The following DNASE1 variants were observed in gnomAD, a reference collection of about 807,000 sequenced individuals.
DNASE1 encodes the protein deoxyribonuclease 1, also known as deoxyribonuclease-1.
DNASE1 carries 40 observed loss-of-function variants against 33.9 expected under a neutral mutation model. The ratio of observed to expected loss-of-function variants is 1.18; its 90% confidence interval spans 0.92 to 1.54. DNASE1 has a LOEUF of 1.54. Among genes scored for constraint, DNASE1 ranks in the 40% most tolerant of loss-of-function variants. The pLI is 0.00. For missense variants in DNASE1, 518 were observed against 372.6 expected (o/e 1.39, Z -3.21); for synonymous variants, 216 against 160.0 (o/e 1.35, Z -2.64).
downstream of DNASE1, chr16:3,661,732 C>T (rs1036751281): frequency 2.5e-5 from 10 of 406,952 alleles, no homozygotes; most frequent in Non-Finnish European, 4.3e-5. Flanking sequence ...GTGGCAAAGC[C>T]ATAAAGCAAA....
intron 1 of DNASE1, among the ~76,000 whole-genome samples, chr16:3,613,625 G>A (rs1219109986): frequency 6.6e-6 from 1 of 152,238 alleles, no homozygotes; most frequent in Non-Finnish European, 1.5e-5. Context: ...AAAGAAGACA[G>A]AACAAGAATG....
At chr16:3,614,388 G>A (rs188939487) in intron 1 of DNASE1, among the ~76,000 whole-genome samples, 1 of 152,294 alleles carries the variant, frequency 6.6e-6, no homozygotes, top group Non-Finnish European at 1.5e-5. Context: ...AGAAAAGGAG[G>A]CGTGCCACCA....
intron 1 of DNASE1, among the ~76,000 whole-genome samples, chr16:3,633,976 G>GT (rs1179683703): frequency 6.7e-6 from 1 of 149,604 alleles, no homozygotes; most frequent in Non-Finnish European, 1.5e-5. Flanking sequence ...GCCTGGCTAA[G>GT]TTTTTTTGTA....
chr16:3,619,189 C>T (rs998182296), intron 1 of DNASE1, among the ~76,000 whole-genome samples: 2 of 152,030 alleles, frequency 1.3e-5, no homozygotes, highest in South Asian at 2.1e-4. Context: ...CATGTAAAAC[C>T]ACACCTGGCT....
At chr16:3,617,525 A>G (rs1240571497) in intron 1 of DNASE1, among the ~76,000 whole-genome samples, 1 of 152,096 alleles carries the variant, frequency 6.6e-6, no homozygotes. Context: ...AGAATGGGAG[A>G]TATTTGTTAA....
intron 1 of DNASE1, among the ~76,000 whole-genome samples, chr16:3,625,732 CACAA>C (rs2041487931): frequency 6.6e-6 from 1 of 152,142 alleles, no homozygotes; most frequent in Non-Finnish European, 1.5e-5. Flanking sequence ...TAAACAGGGA[CACAA>C]ACCACTAACC....
upstream of DNASE1, chr16:3,653,634 C>G (rs762230501): frequency 6.6e-6 from 1 of 151,794 alleles, no homozygotes; most frequent in African/African-American, 2.4e-5. Flanking sequence ...TGGTGAAACC[C>G]TGTCTCTACT....
downstream of DNASE1, chr16:3,659,526 A>G (rs1198545400): frequency 2.0e-5 from 3 of 152,218 alleles, no homozygotes; most frequent in South Asian, 6.2e-4. Flanking sequence ...ACGTCAGAAC[A>G]ATATTTTTTT....
rs758781686 is a variant in DNASE1 at position 3,657,275 on chromosome 16, C to T, written c.638C>T (p.Thr213Ile). Residue 213 changes from threonine to isoleucine, a missense_variant, in exon 7 of 9, where the codon ACC (threonine) becomes ATC (isoleucine). Thr to Ile is a moderately conservative substitution (Grantham distance 89). Coordinates refer to ENST00000246949, the MANE Select transcript of DNASE1 (RefSeq NM_005223.4). ...TCCATCCGCCTGTGGACAAGCCCCA[C>T]CTTCCAGTGGCTGATCCCCGACAGC... ...WSSIRLWTSP[T>I]FQWLIPDSAD... 7 of 1,613,930 alleles carry T rather than the reference C, an allele frequency of 4.3e-6. No individual in the cohort carries two copies. The highest frequency in any genetic ancestry group is 3.3e-5 in the South Asian group (3 of 91,092).
rs534031744 is a variant in DNASE1, at chr16:3,655,217, G to A, written c.-1-156G>A. On this transcript the variant is annotated intron_variant, in intron 1 of 8. Transcript: ENST00000246949. Reference sequence around the variant, plus strand: ...GTCCTCTACGTGGTGCCAGCTGTTTGGCTTTCTGGACGTTGTAGGAAAGGG... The same window carrying A: ...GTCCTCTACGTGGTGCCAGCTGTTTAGCTTTCTGGACGTTGTAGGAAAGGG... Among the ~76,000 whole-genome samples, 14 of 152,314 alleles carry A rather than the reference G, an allele frequency of 9.2e-5. No individual in the cohort carries two copies. In the East Asian group the frequency reaches 2.7e-3, roughly 29 times the overall value.
chr16:3,647,483 A>G (rs1490317016), intron 1 of DNASE1, among the ~76,000 whole-genome samples: 1 of 152,060 alleles, frequency 6.6e-6, no homozygotes, highest in Non-Finnish European at 1.5e-5. Flanking sequence ...CATGTTACCT[A>G]GACTGGTTTT....
At chr16:3,624,216 C>T (rs761247535) in intron 1 of DNASE1, among the ~76,000 whole-genome samples, 1 of 150,760 alleles carries the variant, frequency 6.6e-6, no homozygotes, top group Non-Finnish European at 1.5e-5. Context: ...TTTCAGTGAC[C>T]TTAGACTGTG....
At chr16:3,625,836 A>G (rs1160812009) in intron 1 of DNASE1, among the ~76,000 whole-genome samples, 1 of 152,154 alleles carries the variant, frequency 6.6e-6, no homozygotes, top group African/African-American at 2.4e-5. Flanking sequence ...ATGGTGGCTC[A>G]TGCCTGTAAT....
At chr16:3,658,281 ATTTTTTT>A (rs35081909), downstream of DNASE1, 1,193 of 1,216,772 alleles carry the variant, frequency 9.8e-4, 4 homozygotes, top group Non-Finnish European at 1.2e-3. Context: ...GCACCTTTTC[ATTTTTTT>A]TTTTTTGAGA....
At chr16:3,620,006 C>A (rs1454976947) in intron 1 of DNASE1, among the ~76,000 whole-genome samples, 1 of 151,230 alleles carries the variant, frequency 6.6e-6, no homozygotes, top group East Asian at 2.0e-4. Flanking sequence ...ACCCCCGCCT[C>A]CGGGGTTCAA....
chr16:3,662,950 C>CT (rs1555462151), downstream of DNASE1: 7 of 1,611,630 alleles, frequency 4.3e-6, no homozygotes, highest in Non-Finnish European at 5.9e-6. Flanking sequence ...GTCTCCTTCT[C>CT]TGATAGGCAC....
At chr16:3,646,070 C>T (rs952860465) in intron 1 of DNASE1, among the ~76,000 whole-genome samples, 19 of 152,232 alleles carry the variant, frequency 1.2e-4, no homozygotes, top group East Asian at 9.7e-4. Flanking sequence ...TAGAGCCAGC[C>T]GAGGGCAGAT....
chr16:3,622,076 T>C (rs1250319201), intron 1 of DNASE1, among the ~76,000 whole-genome samples: 5 of 151,996 alleles, frequency 3.3e-5, no homozygotes, highest in South Asian at 2.1e-4. Flanking sequence ...TAACATTAGC[T>C]GGGCATGGTG....
At chr16:3,649,746 C>G (rs969068243), upstream of DNASE1, among the ~76,000 whole-genome samples, 2 of 152,132 alleles carry the variant, frequency 1.3e-5, no homozygotes, top group Admixed American at 1.3e-4. Context: ...ATCTTGTGGC[C>G]TGGGTAGTGT....
Sources: allele counts gnomAD v4.1 joint callset (sites outside exome capture counted in the v4.1 genomes callset), GRCh38; gene constraint gnomAD v4.1.1; transcripts MANE v1.5; gene names NCBI Gene and HGNC (gene_info 2026-07-23, HGNC 2026-07-21).